The following PLXDC2 variants were observed in gnomAD, a reference collection of about 807,000 sequenced individuals.
PLXDC2 encodes the protein plexin domain containing 2, also known as plexin domain-containing protein 2.
A neutral mutation model predicts 68.9 loss-of-function variants in PLXDC2; 40 were observed. That is an observed-to-expected ratio of 0.58 (90% CI 0.45 to 0.76). PLXDC2 has a LOEUF of 0.76. PLXDC2 is among the 30% of genes least tolerant of loss of function. The pLI, the probability that PLXDC2 is intolerant of heterozygous loss-of-function variation, is 0.00. For synonymous variants in PLXDC2, 243 were observed against 234.2 expected, an observed-to-expected ratio of 1.04 and a Z score of -0.34; for missense variants, 644 against 661.9, an observed-to-expected ratio of 0.97 and a Z score of 0.30.
intron 4 of PLXDC2, among the ~76,000 whole-genome samples, chr10:20,110,447 T>G (rs1448864882): frequency 6.6e-6 from 1 of 152,206 alleles, no homozygotes; most frequent in Non-Finnish European, 1.5e-5. Context: ...TGATCAGAAA[T>G]TGTCTCCTTA....
chr10:19,904,723 T>G (rs1838212198), intron 1 of PLXDC2, among the ~76,000 whole-genome samples: 1 of 152,250 alleles, frequency 6.6e-6, no homozygotes, highest in Non-Finnish European at 1.5e-5. Context: ...AGTTTTGACA[T>G]GCTGCTCTGT....
chr10:20,060,622 G>C (rs1376220339), intron 3 of PLXDC2, among the ~76,000 whole-genome samples: 1 of 152,080 alleles, frequency 6.6e-6, no homozygotes, highest in African/African-American at 2.4e-5. Context: ...TGTTAGCCCA[G>C]TTCCTGTTAT....
intron 7 of PLXDC2, among the ~76,000 whole-genome samples, chr10:20,175,078 T>C (rs950760036): frequency 6.6e-6 from 1 of 152,100 alleles, no homozygotes; most frequent in African/African-American, 2.4e-5. Context: ...TTTCAGTGAG[T>C]TTGGATCTAT....
intron 4 of PLXDC2, among the ~76,000 whole-genome samples, chr10:20,088,750 A>C (rs1833234770): frequency 6.6e-6 from 1 of 152,152 alleles, no homozygotes; most frequent in African/African-American, 2.4e-5. Flanking sequence ...TGGGTATATC[A>C]ATCACACCTA....
intron 3 of PLXDC2, among the ~76,000 whole-genome samples, chr10:20,057,797 A>G (rs1836024999): frequency 6.6e-6 from 1 of 152,096 alleles, no homozygotes; most frequent in South Asian, 2.1e-4. Flanking sequence ...AAACTGTAGG[A>G]TGCAAAAAGG....
chr10:20,047,072 A>G, intron 3 of PLXDC2, 57 bp downstream of exon 3: 1 of 1,498,314 alleles, frequency 6.7e-7, no homozygotes. Context: ...TAATTGCTTT[A>G]ATTGGCCTAC....
At chr10:19,910,815 C>T (rs1267318741) in intron 1 of PLXDC2, among the ~76,000 whole-genome samples, 1 of 151,762 alleles carries the variant, frequency 6.6e-6, no homozygotes, top group African/African-American at 2.4e-5. Context: ...CCGGGACCAG[C>T]CTAGTGAACA....
chr10:20,107,562 C>T (rs985847894), intron 4 of PLXDC2, among the ~76,000 whole-genome samples: 13 of 152,072 alleles, frequency 8.5e-5, no homozygotes, highest in African/African-American at 1.2e-4. Context: ...TCTGTCTTTA[C>T]GAGACATTGT....
chr10:19,914,123 T>C (rs780178753), intron 1 of PLXDC2, among the ~76,000 whole-genome samples: 2 of 131,598 alleles, frequency 1.5e-5, no homozygotes. Context: ...GGTAGGGAGG[T>C]AGGGAGGAAG....
intron 12 of PLXDC2, among the ~76,000 whole-genome samples, chr10:20,223,608 C>T (rs1835247681): frequency 6.6e-6 from 1 of 152,118 alleles, no homozygotes; most frequent in Non-Finnish European, 1.5e-5. Flanking sequence ...CCATCCTGCC[C>T]AGCCTAGATC....
intron 1 of PLXDC2, among the ~76,000 whole-genome samples, chr10:19,966,495 A>G (rs1027069422): frequency 1.7e-5 from 2 of 120,144 alleles, no homozygotes; most frequent in East Asian, 2.7e-4. Flanking sequence ...ATGCAGCTGT[A>G]TGATATAGAT....
Position 20,177,078 on chromosome 10 carries a change from G to A in PLXDC2, c.963G>A (p.Glu321=), listed in dbSNP as rs1316764130. The change falls in exon 8 of 14, where the codon GAG becomes GAA. Residue 321 remains glutamate, a synonymous_variant. Coordinates refer to ENST00000377252, the MANE Select transcript of PLXDC2 (RefSeq NM_032812.9). ...AAATTACCAACATTTCGGCTGTGGA[G>A]ATGACCCCATTACCCAGTAAGCGAA... is the stretch of plus-strand genomic sequence containing the variant. ...MSKITNISAV[E]MTPLPTCLQF... The A allele has an allele frequency of 6.2e-7, 1 of 1,608,402 alleles. No individual in the cohort carries two copies. Among genetic ancestry groups the A allele is most frequent in the Non-Finnish European group, 8.5e-7 (1 of 1,175,848 alleles).
At chr10:20,194,176 CGAATT>C (rs1432107841) in intron 9 of PLXDC2, among the ~76,000 whole-genome samples, 1 of 136,828 alleles carries the variant, frequency 7.3e-6, no homozygotes, top group African/African-American at 2.6e-5. Flanking sequence ...CTTTGAGAGA[CGAATT>C]GAACTCAGCT....
intron 6 of PLXDC2, among the ~76,000 whole-genome samples, chr10:20,161,563 A>T (rs372843437): frequency 6.6e-6 from 1 of 151,828 alleles, no homozygotes; most frequent in African/African-American, 2.4e-5. Flanking sequence ...GAAGCCATTG[A>T]TTGAGGCCAT....
intron 12 of PLXDC2, among the ~76,000 whole-genome samples, chr10:20,242,137 A>G (rs1479520162): frequency 6.6e-6 from 1 of 152,126 alleles, no homozygotes; most frequent in Non-Finnish European, 1.5e-5. Context: ...AATTAATCCT[A>G]TTTTCCCAGG....
chr10:20,134,429 A>G (rs1350979142), intron 4 of PLXDC2, among the ~76,000 whole-genome samples: 3 of 152,132 alleles, frequency 2.0e-5, no homozygotes, highest in Admixed American at 2.0e-4. Flanking sequence ...GACAAAATCT[A>G]TGTTCAGGCT....
intron 1 of PLXDC2, among the ~76,000 whole-genome samples, chr10:19,877,457 A>G (rs552991690): frequency 6.6e-6 from 1 of 152,180 alleles, no homozygotes; most frequent in African/African-American, 2.4e-5. Context: ...GTATTTTCTC[A>G]TACACCCATG....
intron 4 of PLXDC2, among the ~76,000 whole-genome samples, chr10:20,140,640 T>C (rs987991194): frequency 6.6e-6 from 1 of 152,072 alleles, no homozygotes; most frequent in African/African-American, 2.4e-5. Flanking sequence ...TAACCACTAC[T>C]GAAGTGATAT....
At chr10:19,943,308 C>G (rs116383814) in intron 1 of PLXDC2, among the ~76,000 whole-genome samples, 281 of 151,894 alleles carry the variant, frequency 1.8e-3, no homozygotes, top group African/African-American at 6.4e-3. Flanking sequence ...TGTATCTTTA[C>G]AGTAATAGAT....
Sources: allele counts gnomAD v4.1 joint callset (sites outside exome capture counted in the v4.1 genomes callset), GRCh38; gene constraint gnomAD v4.1.1; transcripts MANE v1.5; gene names NCBI Gene and HGNC (gene_info 2026-07-23, HGNC 2026-07-21).